BACH2: variants seen among roughly 807,000 people sequenced by gnomAD.
BACH2 encodes BACH transcriptional regulator 2, also known as transcription regulator protein BACH2.
BACH2 carries 5 observed loss-of-function variants against 61.8 expected under a neutral mutation model. The observed-to-expected ratio is 0.08, with a 90% CI of 0.04 to 0.17. The LOEUF is 0.17. Ranked by LOEUF, BACH2 falls within the 10% of genes least tolerant of loss-of-function variation. The pLI is 1.00. For missense variants in BACH2, 824 were observed against 1,091.1 expected, an observed-to-expected ratio of 0.76 and a Z score of 3.45; for synonymous variants, 446 against 440.1, an observed-to-expected ratio of 1.01 and a Z score of -0.17.
At chr6:90,007,011 C>T (rs1471203187) in intron 6 of BACH2, among the ~76,000 whole-genome samples, 1 of 152,082 alleles carries the variant, frequency 6.6e-6, no homozygotes, top group Non-Finnish European at 1.5e-5. Context: ...AAGAAACCTC[C>T]ACTACCCATA....
In BACH2 at chr6:89,969,211, G is replaced by A. The variant is rs140314433; in HGVS notation, c.244-17349C>T. On this transcript the variant is annotated intron_variant, in intron 6 of 8. Coordinates refer to ENST00000257749, the MANE Select transcript of BACH2 (RefSeq NM_021813.4). ...TGGGATTACAGGAATGTGTCACCAC[G>A]CCCAGCTAATTTTTTTGTATTTTCA... is the stretch of plus-strand genomic sequence containing the variant. Among the ~76,000 whole-genome samples the A allele has an allele frequency of 1.8e-4, 28 of 151,732 alleles. No individual in the cohort carries two copies. In the South Asian group the frequency reaches 2.1e-3, roughly 11 times the overall value.
chr6:90,218,675 G>A (rs1355233428), intron 3 of BACH2, among the ~76,000 whole-genome samples: 3 of 151,850 alleles, frequency 2.0e-5, no homozygotes, highest in Middle Eastern at 3.2e-3. Flanking sequence ...TCTCTGGCTC[G>A]AATTACCCGC....
intron 3 of BACH2, among the ~76,000 whole-genome samples, chr6:90,225,401 G>A (rs1490033293): frequency 6.6e-6 from 1 of 152,044 alleles, no homozygotes; most frequent in Non-Finnish European, 1.5e-5. Context: ...AAAAAATACA[G>A]ACAAAATTCC....
At chr6:89,998,168 AT>A (rs60871134) in intron 6 of BACH2, among the ~76,000 whole-genome samples, 95,074 of 150,206 alleles carry the variant, frequency 0.63, 31,100 homozygotes, top group East Asian at 0.78. Context: ...AAATCCCAGC[AT>A]TTTTTTTTTT....
chr6:90,225,829 A>G (rs1341293555), intron 3 of BACH2, among the ~76,000 whole-genome samples: 1 of 152,228 alleles, frequency 6.6e-6, no homozygotes, highest in African/African-American at 2.4e-5. Flanking sequence ...GCAATTTTAC[A>G]TAGGATAGTC....
chr6:90,162,160 C>A (rs1391501030), intron 4 of BACH2, among the ~76,000 whole-genome samples: 2 of 152,172 alleles, frequency 1.3e-5, no homozygotes, highest in African/African-American at 4.8e-5. Flanking sequence ...AGGAGCCATA[C>A]TGTCTTGTGC....
intron 4 of BACH2, among the ~76,000 whole-genome samples, chr6:90,103,029 A>ATATATATTTTTTTTT: frequency 2.8e-4 from 6 of 21,162 alleles, no homozygotes; most frequent in Non-Finnish European, 4.8e-4. Context: ...ATATATATAT[A>ATATATATTTTTTTTT]TTTTTTTTTT....
chr6:90,118,743 G>A (rs1467702365), intron 4 of BACH2, among the ~76,000 whole-genome samples: 1 of 152,202 alleles, frequency 6.6e-6, no homozygotes, highest in African/African-American at 2.4e-5. Flanking sequence ...TGATGTCAAA[G>A]TGGAATAAAC....
chr6:90,124,467 GA>G (rs1375910238), intron 4 of BACH2, among the ~76,000 whole-genome samples: 1 of 152,128 alleles, frequency 6.6e-6, no homozygotes, highest in African/African-American at 2.4e-5. Flanking sequence ...CAACACTAAG[GA>G]AATTGTTAAC....
chr6:89,984,415 C>T (rs1401981544), intron 6 of BACH2, among the ~76,000 whole-genome samples: 2 of 151,930 alleles, frequency 1.3e-5, no homozygotes, highest in African/African-American at 2.4e-5. Flanking sequence ...ATTCTCTACC[C>T]TCACCATAAA....
intron 6 of BACH2, among the ~76,000 whole-genome samples, chr6:89,992,487 A>G (rs181737457): frequency 6.6e-6 from 1 of 152,282 alleles, no homozygotes; most frequent in Non-Finnish European, 1.5e-5. Flanking sequence ...TTAAAAGTAC[A>G]AAATTAGCTG....
intron 1 of BACH2, 71 bp from the exon 2 acceptor site, chr6:90,272,012 T>A (rs755296953): frequency 1.4e-4 from 22 of 152,484 alleles, no homozygotes; most frequent in Middle Eastern, 3.4e-3. Flanking sequence ...CCAAGTGCTG[T>A]TAACCAACTT....
At chr6:90,127,336 A>C (rs1259223892) in intron 4 of BACH2, among the ~76,000 whole-genome samples, 1 of 152,158 alleles carries the variant, frequency 6.6e-6, no homozygotes, top group African/African-American at 2.4e-5. Flanking sequence ...GAGGTGAAGC[A>C]AGGCTGCGAG....
chr6:90,048,736 C>T (rs1582264233), intron 5 of BACH2, among the ~76,000 whole-genome samples: 1 of 152,306 alleles, frequency 6.6e-6, no homozygotes, highest in East Asian at 1.9e-4. Context: ...ATGACTACTG[C>T]CTCATCATTT....
chr6:90,019,446 G>A (rs982357639), intron 5 of BACH2, among the ~76,000 whole-genome samples: 22 of 152,196 alleles, frequency 1.4e-4, no homozygotes, highest in Non-Finnish European at 3.1e-4. Flanking sequence ...CCAACTTTGT[G>A]GATCTGGACA....
At chr6:89,940,314 A>G (rs1773346720) in intron 7 of BACH2, among the ~76,000 whole-genome samples, 1 of 152,174 alleles carries the variant, frequency 6.6e-6, no homozygotes, top group Admixed American at 6.5e-5. Context: ...CTGGCCTGAA[A>G]TATTTCTTAA....
chr6:90,069,285 T>G (rs953663630), intron 5 of BACH2, among the ~76,000 whole-genome samples: 7 of 152,244 alleles, frequency 4.6e-5, no homozygotes, highest in Non-Finnish European at 1.0e-4. Context: ...CGGATGGCAG[T>G]GTTCCAATTT....
intron 4 of BACH2, among the ~76,000 whole-genome samples, chr6:90,121,018 G>A (rs943819236): frequency 6.6e-6 from 1 of 152,196 alleles, no homozygotes; most frequent in Admixed American, 6.5e-5. Flanking sequence ...AACTGTGAAA[G>A]ATTGGGGAAA....
chr6:90,149,123 G>A (rs893208498), intron 4 of BACH2, among the ~76,000 whole-genome samples: 17 of 152,204 alleles, frequency 1.1e-4, no homozygotes, highest in Admixed American at 3.9e-4. Context: ...TGTATGATTT[G>A]AGAGTGTGAG....
Sources: gnomAD v4.1 joint callset for allele counts (sites outside exome capture counted in the v4.1 genomes callset) on GRCh38, gnomAD v4.1.1 for gene constraint, MANE v1.5 for transcripts, NCBI Gene and HGNC (gene_info 2026-07-23, HGNC 2026-07-21) for gene names.